The following BAHCC1 variants were observed in gnomAD, a reference collection of about 807,000 sequenced individuals.
BAHCC1 encodes BAH domain and coiled-coil containing 1, also known as BAH and coiled-coil domain-containing protein 1.
BAHCC1 carries 43 observed loss-of-function variants against 88.2 expected under a neutral mutation model. The ratio of observed to expected loss-of-function variants is 0.49; its 90% CI spans 0.38 to 0.63. The LOEUF is 0.63. Among genes scored for constraint, BAHCC1 ranks in the 20% least tolerant of loss-of-function variants. The probability of loss-of-function intolerance (pLI) is 0.00; values close to 1 mark genes in which losing one functional copy is unlikely to be tolerated. For missense variants in BAHCC1, 3,023 were observed against 1,654.8 expected, an observed-to-expected ratio of 1.83 and a Z score of -14.34; for synonymous variants, 1,510 against 745.5, an observed-to-expected ratio of 2.03 and a Z score of -16.71.
At chr17:81,417,761 C>G (rs2064054058) in intron 2 of BAHCC1, among the ~76,000 whole-genome samples, 1 of 152,196 alleles carries the variant, frequency 6.6e-6, no homozygotes, top group Non-Finnish European at 1.5e-5. Flanking sequence ...GAGACGCTGC[C>G]TCTGGGCCAG....
Position 81,464,165 on chromosome 17 carries a change from G to A in BAHCC1, c.*348G>A. 2.7e-6 allele frequency: 1 copy of A among 377,258 alleles called. No homozygotes were observed. The highest frequency in any genetic ancestry group is 3.5e-5 in the South Asian group (1 of 28,524). The allele number at this position is 377,258 out of a possible 1,614,324, so 23.4% of individuals were successfully genotyped here. A position where few individuals can be genotyped will look rare whatever the true frequency, so the allele number is the denominator to read the frequency against. Reference sequence around the variant, plus strand: ...AGTACCTCCGACTGTCTCCCACCAGGGAAAGCAGAAATCAGGTGTGTTGTC... The same window carrying A: ...AGTACCTCCGACTGTCTCCCACCAGAGAAAGCAGAAATCAGGTGTGTTGTC... On this transcript the variant is annotated 3_prime_UTR_variant, in exon 28 of 28. Coordinates refer to ENST00000675386, the MANE Select transcript of BAHCC1 (RefSeq NM_001377448.1).
chr17:81,425,551 G>C (rs2143396427), intron 2 of BAHCC1, among the ~76,000 whole-genome samples: 1 of 23,826 alleles, frequency 4.2e-5, no homozygotes, highest in East Asian at 1.2e-3. Flanking sequence ...GTGGTTGGTG[G>C]GTGATGTGGT....
At position 81,447,516 on chromosome 17, in the gene BAHCC1, A is replaced by T. The variant is rs781980748; in HGVS notation, c.3644A>T (p.Asp1215Val). The change falls in exon 11 of 28, where the codon GAC (aspartate) becomes GTC (valine). Residue 1215 changes from aspartate (D) to valine (V), a missense_variant. Transcript: ENST00000675386. ...GCAGGGAGTCCGGGTGCCCTTGAGG[A>T]CGAGGGGGAGCAGCCGGCCCCTGAG... ...QRAGSPGALE[D>V]EGEQPAPEED... 1.5e-5 allele frequency: 11 copies of T among 750,446 alleles called. No individual in the cohort carries two copies. In the South Asian group the frequency reaches 1.6e-4, roughly 11 times the overall value. The allele number at this position is 750,446 out of a possible 1,614,324, so 46.5% of individuals were successfully genotyped here.
chr17:81,441,754 G>A (rs1443206366), intron 4 of BAHCC1, 77 bp from the exon 5 acceptor site: 3 of 495,126 alleles, frequency 6.1e-6, no homozygotes, highest in East Asian at 6.2e-5. Context: ...GGAGGCACCT[G>A]GAGCACCTGT....
At position 81,447,348 on chromosome 17, in the gene BAHCC1, G is replaced by A. The variant is rs944947690; in HGVS notation, c.3476G>A (p.Cys1159Tyr). The change falls in exon 11 of 28, where the codon TGT (cysteine) becomes TAT (tyrosine). Residue 1159 changes from cysteine to tyrosine, a missense_variant. By Grantham distance (194) the Cys-to-Tyr change is radical (BLOSUM62 -2). Transcript: ENST00000675386. ...SPLEGLQELQ[C>Y]AALLEAGGPE... ...CTAGAGGGGCTACAAGAACTGCAAT[G>A]TGCGGCCCTCCTGGAGGCAGGGGGC... The A allele has an allele frequency of 1.3e-6, 1 of 746,612 alleles. No individual in the cohort carries two copies. Among genetic ancestry groups the A allele is most frequent in the South Asian group, 1.4e-5 (1 of 70,228 alleles). The allele number at this position is 746,612 out of a possible 1,614,324, so 46.2% of individuals were successfully genotyped here.
In BAHCC1 at chr17:81,461,683, C is replaced by T. The variant is rs781955134; in HGVS notation, c.7020C>T (p.Ser2340=). 9 of 722,910 alleles carry T rather than the reference C, an allele frequency of 1.2e-5. No individual in the cohort carries two copies. Among genetic ancestry groups the T allele is most frequent in the Admixed American group, 6.0e-5 (3 of 50,320 alleles). The allele number at this position is 722,910 out of a possible 1,614,324, so 44.8% of individuals were successfully genotyped here. ...TGTCCACCTCCAGCCTCTGCTCCTC[C>T]GACAACGAGGACTCGTCCTACAGCT... The part of the protein sequence containing the change: ...GSVSTSSLCS[S]DNEDSSYSSD... Residue 2340 remains serine (S), a synonymous_variant, in exon 26 of 28, where the codon TCC becomes TCT. Coordinates refer to ENST00000675386, the MANE Select transcript of BAHCC1 (RefSeq NM_001377448.1).
intron 11 of BAHCC1, 116 bp from the exon 12 acceptor site, chr17:81,451,552 C>T (rs2064634542): frequency 1.6e-6 from 1 of 622,098 alleles, no homozygotes; most frequent in Non-Finnish European, 2.9e-6. Context: ...GGTCTCCTGA[C>T]CCTCATCCCG....
intron 14 of BAHCC1, among the ~76,000 whole-genome samples, 195 bp downstream of exon 14, chr17:81,453,046 G>A (rs1555656294): frequency 6.6e-6 from 1 of 152,096 alleles, no homozygotes; most frequent in Non-Finnish European, 1.5e-5. Context: ...GACAGGCTTT[G>A]CCCTTCTGGC....
rs781840341 is a variant in BAHCC1, at chr17:81,451,815, C to G, written c.4124C>G (p.Thr1375Ser). 18 of 757,500 alleles carry G rather than the reference C, an allele frequency of 2.4e-5. No individual in the cohort carries two copies. The Admixed American group carries it at 2.9e-4, about 12-fold the overall frequency. The allele number at this position is 757,500 out of a possible 1,614,324, so 46.9% of individuals were successfully genotyped here. Residue 1375 changes from threonine to serine, a missense_variant, in exon 12 of 28, where the codon ACC (threonine) becomes AGC (serine). Thr to Ser is a moderately conservative substitution (Grantham distance 58, BLOSUM62 1). Coordinates refer to ENST00000675386, the MANE Select transcript of BAHCC1 (RefSeq NM_001377448.1). ...TANPCSGPRL[T>S]PRMQILQRKD... is the part of the protein sequence containing the mutation. Reference sequence around the variant, plus strand: ...AACCCCTGCAGCGGCCCCAGGCTCACCCCCCGCATGCAGATCCTGCAGCGC... The same window carrying G: ...AACCCCTGCAGCGGCCCCAGGCTCAGCCCCCGCATGCAGATCCTGCAGCGC...
chr17:81,438,572 G>A, intron 4 of BAHCC1, 80 bp downstream of exon 4: 1 of 710,462 alleles, frequency 1.4e-6, no homozygotes, highest in Non-Finnish European at 2.6e-6. Flanking sequence ...GGGGCACAAG[G>A]GAAAGGCCAG....
At chr17:81,421,964 A>C in intron 2 of BAHCC1, 1 of 422,314 alleles carries the variant, frequency 2.4e-6, no homozygotes, top group Non-Finnish European at 4.7e-6. Context: ...CAGAACGCTC[A>C]TGCGAGGGCC....
Position 81,447,754 on chromosome 17 carries a change from C to T in BAHCC1, c.3882C>T (p.Pro1294=). 1 of 741,254 alleles carries T rather than the reference C, an allele frequency of 1.3e-6. No individual in the cohort carries two copies. The highest frequency in any genetic ancestry group is 1.4e-5 in the South Asian group (1 of 69,452). The allele number at this position is 741,254 out of a possible 1,614,324, so 45.9% of individuals were successfully genotyped here. The part of the protein sequence containing the change: ...PAASGPPSTV[P]LPHSSGIHGI... ...CCTCTGGGCCCCCCAGCACAGTCCCCCTGCCTCATAGCTCAGGGATTCATG... is the reference window on the plus strand; with the variant it reads ...CCTCTGGGCCCCCCAGCACAGTCCCTCTGCCTCATAGCTCAGGGATTCATG... The change falls in exon 11 of 28, where the codon CCC becomes CCT. Residue 1294 remains proline, a synonymous_variant. Coordinates refer to ENST00000675386, the MANE Select transcript of BAHCC1 (RefSeq NM_001377448.1).
chr17:81,461,205 A>C lies in BAHCC1; in HGVS notation c.6542A>C (p.His2181Pro). 1.4e-6 allele frequency: 1 copy of C among 731,860 alleles called. No homozygotes were observed. The highest frequency in any genetic ancestry group is 2.5e-6 in the Non-Finnish European group (1 of 398,978). 45.3% of individuals were successfully genotyped at this position (731,860 alleles called of 1,614,324 possible). The stretch of plus-strand genomic sequence containing the variant: ...GGGCCGGGCCTCCCCAGGGGAGCCC[A>C]CAAGCTGCTGCGGGCTAAGAAGGCC... The part of the protein sequence containing the change: ...GTGPGLPRGA[H>P]KLLRAKKAER... Residue 2181 changes from histidine (H) to proline (P), a missense_variant, in exon 26 of 28, where the codon CAC becomes CCC. Physicochemically the swap from His to Pro is moderately conservative, Grantham distance 77. Coordinates refer to ENST00000675386, the MANE Select transcript of BAHCC1 (RefSeq NM_001377448.1).
At chr17:81,450,397 T>C (rs2064611202) in intron 11 of BAHCC1, among the ~76,000 whole-genome samples, 1 of 152,162 alleles carries the variant, frequency 6.6e-6, no homozygotes, top group Middle Eastern at 3.2e-3. Flanking sequence ...CGCCAGCCTC[T>C]GCTGGCCCAT....
chr17:81,428,169 C>G (rs935660833), intron 3 of BAHCC1, among the ~76,000 whole-genome samples: 9 of 152,302 alleles, frequency 5.9e-5, no homozygotes, highest in African/African-American at 1.9e-4. Flanking sequence ...TCCTCCCACC[C>G]CTGCACTACT....
intron 11 of BAHCC1, among the ~76,000 whole-genome samples, chr17:81,450,691 G>A (rs1555655585): frequency 6.6e-6 from 1 of 152,190 alleles, no homozygotes; most frequent in African/African-American, 2.4e-5. Context: ...GGAGGATGGA[G>A]GAATGGTGGC....
At chr17:81,441,060 C>G (rs1401406730) in intron 4 of BAHCC1, among the ~76,000 whole-genome samples, 3 of 151,812 alleles carry the variant, frequency 2.0e-5, no homozygotes, top group Non-Finnish European at 4.4e-5. Context: ...TCACTGCCTG[C>G]CCCGCGTCCC....
rs782403527 is a variant in BAHCC1 at position 81,458,663 on chromosome 17, G to A, written c.5386G>A (p.Ala1796Thr). 2.2e-4 allele frequency: 161 copies of A among 722,164 alleles called. No individual in the cohort carries two copies. Among genetic ancestry groups the A allele is most frequent in the South Asian group, 7.4e-5 (5 of 67,918 alleles). 44.7% of individuals were successfully genotyped at this position (722,164 alleles called of 1,614,324 possible). ...GTCCATCACGCTGGCCACACGCAAC[G>A]CCAAGGCCATCCTGGGGAAGGGCCG... The part of the protein sequence containing the change: ...ALSITLATRN[A>T]KAILGKGRKL... Residue 1796 changes from alanine (A) to threonine (T), a missense_variant, in exon 19 of 28, where the codon GCC becomes ACC. Transcript: ENST00000675386.
At chr17:81,424,317 C>G (rs1441831428) in intron 2 of BAHCC1, among the ~76,000 whole-genome samples, 1 of 152,256 alleles carries the variant, frequency 6.6e-6, no homozygotes, top group Non-Finnish European at 1.5e-5. Flanking sequence ...CCCGCTGACC[C>G]TGGTGCCTCA....
Sources: gnomAD v4.1 joint callset for allele counts (sites outside exome capture counted in the v4.1 genomes callset) on GRCh38, gnomAD v4.1.1 for gene constraint, MANE v1.5 for transcripts, NCBI Gene and HGNC (gene_info 2026-07-23, HGNC 2026-07-21) for gene names.